NRXN3: variants seen among roughly 807,000 people sequenced by gnomAD.
The protein encoded by NRXN3 is neurexin III.
NRXN3 carries 32 observed loss-of-function variants against 137.6 expected under a neutral mutation model. The observed-to-expected ratio is 0.23, with a 90% CI of 0.18 to 0.31. The LOEUF (loss-of-function observed/expected upper bound fraction) is 0.31, where lower values mean the gene tolerates loss of function less well. Ranked by LOEUF, NRXN3 falls within the 10% of genes least tolerant of loss-of-function variation. The pLI is 1.00. For missense variants in NRXN3, 1,574 were observed against 2,062.5 expected, an observed-to-expected ratio of 0.76 and a Z score of 4.59; for synonymous variants, 798 against 784.5, an observed-to-expected ratio of 1.02 and a Z score of -0.29.
chr14:79,468,025 A>AT (rs750175284), intron 16 of NRXN3, among the ~76,000 whole-genome samples: 6 of 152,234 alleles, frequency 3.9e-5, no homozygotes, highest in Non-Finnish European at 7.3e-5. Flanking sequence ...TAAATGTGTG[A>AT]TAAAAACTGA....
In NRXN3 at chr14:78,971,425, C is replaced by CATATATAT. The variant is rs10560521; in HGVS notation, c.3142+3089_3142+3096dup. ...AGCAAATCTAGAATACACAGATAAACATATATATATATATATACACACACA... is the reference window on the plus strand; with the variant it reads ...AGCAAATCTAGAATACACAGATAAACATATATATATATATATATATATATACACACACA... On this transcript the variant is annotated intron_variant, in intron 14 of 20. Transcript: ENST00000335750. Among the ~76,000 whole-genome samples the CATATATAT allele has an allele frequency of 6.1e-5, 9 of 148,454 alleles. No homozygotes were observed. The East Asian group carries it at 1.4e-3, about 23-fold the overall frequency.
chr14:79,764,170 G>C (rs868795594), intron 19 of NRXN3, among the ~76,000 whole-genome samples: 36 of 149,164 alleles, frequency 2.4e-4, no homozygotes, highest in African/African-American at 7.9e-4. Context: ...GTGGGTGGGG[G>C]GGGTGTTAAG....
intron 15 of NRXN3, among the ~76,000 whole-genome samples, chr14:79,212,717 T>C (rs770261763): frequency 6.6e-6 from 1 of 151,896 alleles, no homozygotes; most frequent in Non-Finnish European, 1.5e-5. Context: ...CCCAAATGAG[T>C]GTTGGAAATG....
chr14:79,754,048 G>A (rs2099008809), intron 19 of NRXN3, among the ~76,000 whole-genome samples: 1 of 152,084 alleles, frequency 6.6e-6, no homozygotes, highest in Non-Finnish European at 1.5e-5. Context: ...AGGCATGGGG[G>A]CAGTGGCTCA....
At chr14:78,430,281 T>C (rs572814335) in intron 4 of NRXN3, among the ~76,000 whole-genome samples, 503 of 152,318 alleles carry the variant, frequency 3.3e-3, no homozygotes, top group Non-Finnish European at 4.9e-3. Context: ...ATCCCATTGT[T>C]CTCAACTTTA....
intron 4 of NRXN3, among the ~76,000 whole-genome samples, chr14:78,627,917 G>A (rs1601585302): frequency 6.6e-6 from 1 of 152,060 alleles, no homozygotes; most frequent in African/African-American, 2.4e-5. Flanking sequence ...AGTACCTTGA[G>A]GTAAACCCAA....
chr14:78,932,889 T>A lies in NRXN3; in HGVS notation c.2276-24353T>A, dbSNP rs1454641616. On this transcript the variant is annotated intron_variant, in intron 10 of 20. Transcript: ENST00000335750. ...TATTAAAAATCCAGGGTACCTTCTA[T>A]GTCCTAGTCAGAGTTCTTGGAGTTG... Among the ~76,000 whole-genome samples, 6 of 152,322 alleles carry A rather than the reference T, an allele frequency of 3.9e-5. No individual in the cohort carries two copies. The East Asian group carries it at 1.2e-3, about 29-fold the overall frequency.
At chr14:79,617,070 C>G (rs1416596855) in intron 16 of NRXN3, among the ~76,000 whole-genome samples, 1 of 152,096 alleles carries the variant, frequency 6.6e-6, no homozygotes, top group Non-Finnish European at 1.5e-5. Flanking sequence ...CCACTTAACC[C>G]TGGGACCCAC....
intron 15 of NRXN3, among the ~76,000 whole-genome samples, chr14:79,448,768 C>G (rs758367345): frequency 6.6e-6 from 1 of 152,076 alleles, no homozygotes; most frequent in South Asian, 2.1e-4. Flanking sequence ...CACATACATT[C>G]GTATACATGC....
intron 15 of NRXN3, among the ~76,000 whole-genome samples, chr14:79,082,403 G>GTGTGTGTGTGTGTGTGTGTGTGTGTT: frequency 6.6e-6 from 1 of 151,940 alleles, no homozygotes; most frequent in East Asian, 1.9e-4. Context: ...GTGTGTGTGT[G>GTGTGTGTGTGTGTGTGTGTGTGTGTT]TGTGTGTGTG....
At chr14:78,705,449 C>A (rs1594950998) in intron 6 of NRXN3, among the ~76,000 whole-genome samples, 1 of 152,176 alleles carries the variant, frequency 6.6e-6, no homozygotes, top group Non-Finnish European at 1.5e-5. Context: ...CCCAGTTGAG[C>A]ATCACTGGGC....
intron 19 of NRXN3, among the ~76,000 whole-genome samples, chr14:79,777,936 A>G (rs2099102267): frequency 6.6e-6 from 1 of 152,080 alleles, no homozygotes; most frequent in Non-Finnish European, 1.5e-5. Context: ...TTACAGAAAA[A>G]AAAAAAAATG....
At chr14:79,711,803 T>A (rs548345814) in intron 19 of NRXN3, among the ~76,000 whole-genome samples, 2 of 152,124 alleles carry the variant, frequency 1.3e-5, no homozygotes, top group South Asian at 4.1e-4. Flanking sequence ...GTGGCCCATA[T>A]CCAATTAATG....
chr14:79,610,756 T>C (rs777319426), intron 16 of NRXN3, among the ~76,000 whole-genome samples: 50 of 152,344 alleles, frequency 3.3e-4, no homozygotes, highest in Middle Eastern at 3.4e-3. Context: ...GTCACCTTCC[T>C]TAAGAAGCAG....
intron 15 of NRXN3, among the ~76,000 whole-genome samples, chr14:79,269,626 G>A (rs2079003540): frequency 6.6e-6 from 1 of 152,030 alleles, no homozygotes; most frequent in Non-Finnish European, 1.5e-5. Context: ...CTTTATTTAG[G>A]GTGATTCATT....
chr14:79,316,663 A>G (rs1216506655), intron 15 of NRXN3, among the ~76,000 whole-genome samples: 2 of 150,600 alleles, frequency 1.3e-5, no homozygotes, highest in Non-Finnish European at 2.9e-5. Flanking sequence ...TACCATGCAG[A>G]CTCCACTCCT....
At chr14:78,332,435 C>T (rs1206252066) in intron 4 of NRXN3, among the ~76,000 whole-genome samples, 1 of 151,842 alleles carries the variant, frequency 6.6e-6, no homozygotes, top group East Asian at 1.9e-4. Flanking sequence ...CCTGCCTCAG[C>T]CTCCTGAGTA....
intron 8 of NRXN3, among the ~76,000 whole-genome samples, chr14:78,732,649 C>T (rs1422765517): frequency 1.3e-5 from 2 of 152,068 alleles, no homozygotes; most frequent in Non-Finnish European, 2.9e-5. Context: ...GTCTCTTAGA[C>T]CAGGTAAGAA....
intron 15 of NRXN3, among the ~76,000 whole-genome samples, chr14:79,264,430 G>T (rs770392609): frequency 1.3e-5 from 2 of 152,138 alleles, no homozygotes; most frequent in Non-Finnish European, 2.9e-5. Context: ...GAGGCTGGAA[G>T]TCCAAGCTTA....
Sources: gnomAD v4.1 joint callset for allele counts (sites outside exome capture counted in the v4.1 genomes callset) on GRCh38, gnomAD v4.1.1 for gene constraint, MANE v1.5 for transcripts, NCBI Gene and HGNC (gene_info 2026-07-23, HGNC 2026-07-21) for gene names.